The following BCAS3 variants were observed in gnomAD, a reference collection of about 807,000 sequenced individuals.
BCAS3 encodes the protein BCAS4/BCAS3 fusion.
In BCAS3, 53 loss-of-function variants were observed where a neutral mutation model predicts 116.1. The observed-to-expected ratio is 0.46, with a 90% CI of 0.37 to 0.57. The LOEUF is 0.57. BCAS3 is among the 20% of genes least tolerant of loss of function. The pLI is 0.00. For synonymous variants in BCAS3, 391 were observed against 408.2 expected (o/e 0.96, Z 0.51); for missense variants, 917 against 1,165.4 (o/e 0.79, Z 3.10).
At chr17:61,385,990 C>A (rs1407926201) in intron 23 of BCAS3, among the ~76,000 whole-genome samples, 1 of 152,168 alleles carries the variant, frequency 6.6e-6, no homozygotes, top group East Asian at 1.9e-4. Context: ...GGGAGGGAGG[C>A]TGGAGAGGGA....
chr17:61,191,653 T>C (rs1057112593), intron 22 of BCAS3, among the ~76,000 whole-genome samples: 1 of 151,862 alleles, frequency 6.6e-6, no homozygotes, highest in Non-Finnish European at 1.5e-5. Flanking sequence ...CGGGCGCCTA[T>C]AGTCCCAGCT....
chr17:61,298,865 T>C (rs572808202), intron 22 of BCAS3, among the ~76,000 whole-genome samples: 44 of 151,814 alleles, frequency 2.9e-4, no homozygotes, highest in African/African-American at 1.0e-3. Flanking sequence ...CCCTGTCGCC[T>C]AGGCTGGAGT....
chr17:60,826,916 A>C (rs1328455759), intron 7 of BCAS3, among the ~76,000 whole-genome samples: 1 of 152,252 alleles, frequency 6.6e-6, no homozygotes, highest in Non-Finnish European at 1.5e-5. Context: ...GCAATTTAAC[A>C]GGAACTCTGC....
chr17:61,286,038 T>C lies in BCAS3; in HGVS notation c.2426-82289T>C, dbSNP rs2051739051. Among the ~76,000 whole-genome samples, 1 of 152,242 alleles carries C rather than the reference T, an allele frequency of 6.6e-6. No homozygotes were observed. The highest frequency in any genetic ancestry group is 1.5e-5 in the Non-Finnish European group (1 of 68,042). On this transcript the variant is annotated intron_variant, in intron 22 of 23. Transcript: ENST00000407086. The surrounding 1 kb of genome is among the most constrained non-coding windows in gnomAD (Gnocchi z 4.8). The stretch of plus-strand genomic sequence containing the variant: ...CAATATCATGACACCTTTTTACTCA[T>C]GGACCAGAAACATTTCATAAAGGAA...
rs567081294 is a variant in BCAS3 at position 60,802,151 on chromosome 17, G to A, written c.404-5853G>A. 1.4e-4 allele frequency among the ~76,000 whole-genome samples: 22 copies of A among 151,858 alleles called. No individual in the cohort carries two copies. In the South Asian group the frequency reaches 4.6e-3, roughly 32 times the overall value. ...ATACAAAAATTAGCCGGGCATGGTGGCACGTGCCTGTAGTCCCAGCTACTT... is the reference window on the plus strand; with the variant it reads ...ATACAAAAATTAGCCGGGCATGGTGACACGTGCCTGTAGTCCCAGCTACTT... On this transcript the variant is annotated intron_variant, in intron 6 of 23. Transcript: ENST00000407086.
At chr17:60,722,390 A>C (rs1357797817) in intron 5 of BCAS3, among the ~76,000 whole-genome samples, 1 of 152,162 alleles carries the variant, frequency 6.6e-6, no homozygotes, top group Non-Finnish European at 1.5e-5. Flanking sequence ...CATCCTCAGC[A>C]GCACTTGGTA....
At position 61,302,992 on chromosome 17, in the gene BCAS3, G is replaced by C. The variant is rs147929893; in HGVS notation, c.2426-65335G>C. 2.0e-4 allele frequency among the ~76,000 whole-genome samples: 31 copies of C among 152,272 alleles called. No individual in the cohort carries two copies. The highest frequency in any genetic ancestry group is 6.7e-4 in the African/African-American group (28 of 41,558). On this transcript the variant is annotated intron_variant, in intron 22 of 23. Coordinates refer to ENST00000407086, the MANE Select transcript of BCAS3 (RefSeq NM_017679.5). This position sits in a 1 kb window ranked among gnomAD's most constrained non-coding sequence, Gnocchi z 4.4. The stretch of plus-strand genomic sequence containing the variant: ...TTCAAAGCAAAAGATAGTTGAGGCA[G>C]CTCAACTTGTGATGAGTTCCCCTGT...
At chr17:61,091,532 T>C (rs1219042540) in intron 22 of BCAS3, among the ~76,000 whole-genome samples, 1 of 152,212 alleles carries the variant, frequency 6.6e-6, no homozygotes, top group African/African-American at 2.4e-5. Context: ...GGCTTATGCT[T>C]ATAGGTGCCA....
At chr17:61,320,796 T>C (rs1027106708) in intron 22 of BCAS3, among the ~76,000 whole-genome samples, 10 of 152,212 alleles carry the variant, frequency 6.6e-5, no homozygotes, top group African/African-American at 2.4e-4. Context: ...TTCTAATACT[T>C]GCTTTGGATG....
In BCAS3 at chr17:61,031,349, C is replaced by G. The variant is rs536424210; in HGVS notation, c.1638-3317C>G. On this transcript the variant is annotated intron_variant, in intron 16 of 23. Transcript: ENST00000407086. ...AAGGTTATTTTGTGATAGAAATATT[C>G]TAGGTCATTGTGGAAAAGTTCATAC... Among the ~76,000 whole-genome samples, 3 of 152,036 alleles carry G rather than the reference C, an allele frequency of 2.0e-5. No homozygotes were observed. The East Asian group carries it at 5.8e-4, about 29-fold the overall frequency.
chr17:61,340,872 AAGG>A (rs777691360), intron 22 of BCAS3, among the ~76,000 whole-genome samples: 1 of 152,194 alleles, frequency 6.6e-6, no homozygotes, highest in Non-Finnish European at 1.5e-5. Flanking sequence ...AGAGAACCAG[AAGG>A]AGAAGAGACA....
chr17:61,322,838 G>C (rs147420180), intron 22 of BCAS3, among the ~76,000 whole-genome samples: 119 of 139,074 alleles, frequency 8.6e-4, no homozygotes, highest in East Asian at 3.3e-3. Context: ...GACAGAGAGA[G>C]AGAGAGAGAG....
chr17:60,780,893 G>A (rs1022687012), intron 6 of BCAS3, among the ~76,000 whole-genome samples: 1 of 152,068 alleles, frequency 6.6e-6, no homozygotes, highest in South Asian at 2.1e-4. Context: ...TATTTTGTTA[G>A]ATGTACATAC....
At chr17:61,312,111 C>T (rs1243647957) in intron 22 of BCAS3, among the ~76,000 whole-genome samples, 2 of 152,158 alleles carry the variant, frequency 1.3e-5, no homozygotes, top group Non-Finnish European at 1.5e-5. Context: ...GGCCCTAGGC[C>T]GTCAGTAAGA....
At chr17:61,322,858 G>GAGAGAGAGAGAGAGACAGAGAGAGAC (rs2055409712) in intron 22 of BCAS3, among the ~76,000 whole-genome samples, 1 of 134,136 alleles carries the variant, frequency 7.5e-6, no homozygotes, top group Non-Finnish European at 1.6e-5. Flanking sequence ...GAGAGAGACA[G>GAGAGAGAGAGAGAGACAGAGAGAGAC]AGAGAGAGAG....
chr17:61,329,069 T>C (rs1254456861), intron 22 of BCAS3, among the ~76,000 whole-genome samples: 3 of 151,262 alleles, frequency 2.0e-5, no homozygotes. Flanking sequence ...TAGTTTTTTG[T>C]ATTTTTAGTA....
chr17:61,062,135 G>A (rs565612957), intron 19 of BCAS3, among the ~76,000 whole-genome samples: 3 of 152,182 alleles, frequency 2.0e-5, no homozygotes, highest in Admixed American at 2.0e-4. Context: ...TGTATCAATT[G>A]TATTGTTCCT....
At chr17:61,273,973 T>TAATAATA (rs2050541697) in intron 22 of BCAS3, among the ~76,000 whole-genome samples, 2 of 151,216 alleles carry the variant, frequency 1.3e-5, no homozygotes, top group Non-Finnish European at 2.9e-5. Flanking sequence ...TTTATTATTA[T>TAATAATA]TATACTTTAA....
chr17:60,816,872 A>G (rs764067746), intron 7 of BCAS3, among the ~76,000 whole-genome samples: 3 of 152,152 alleles, frequency 2.0e-5, no homozygotes, highest in Non-Finnish European at 4.4e-5. Flanking sequence ...TCGTTTCAGC[A>G]GTTACTAGTT....
Sources: gnomAD v4.1 joint callset for allele counts (sites outside exome capture counted in the v4.1 genomes callset) on GRCh38, gnomAD v4.1.1 for gene constraint, Gnocchi (gnomAD v3.1) non-coding constraint, MANE v1.5 for transcripts, NCBI Gene and HGNC (gene_info 2026-07-23, HGNC 2026-07-21) for gene names.